HACD1: variants seen among roughly 807,000 people sequenced by gnomAD.
HACD1 encodes 3-hydroxyacyl-CoA dehydratase 1.
A neutral mutation model predicts 32.0 loss-of-function variants in HACD1; 41 were observed. The ratio of observed to expected loss-of-function variants is 1.28; its 90% CI spans 1.00 to 1.66. The LOEUF (loss-of-function observed/expected upper bound fraction) is 1.66. Ranked by LOEUF, HACD1 falls within the 40% of genes most tolerant of loss-of-function variation. HACD1 has a pLI of 0.00. For synonymous variants in HACD1, 142 were observed against 139.0 expected (o/e 1.02, Z -0.15); for missense variants, 396 against 380.1 (o/e 1.04, Z -0.35).
At chr10:17,612,857 A>G (rs4420162) in intron 1 of HACD1, among the ~76,000 whole-genome samples, 8,312 of 150,990 alleles carry the variant, frequency 0.055, 278 homozygotes, top group Middle Eastern at 0.078. Context: ...GGGAGGCGGA[A>G]CTTGCAGTGA....
At chr10:17,598,485 A>G (rs1045849392) in intron 5 of HACD1, among the ~76,000 whole-genome samples, 12 of 152,148 alleles carry the variant, frequency 7.9e-5, no homozygotes, top group African/African-American at 2.9e-4. Flanking sequence ...ACCACCTGAC[A>G]TATCACATAT....
Position 17,603,756 on chromosome 10 carries a change from T to G in HACD1, c.376-12A>C, listed in dbSNP as rs1554816762. ...AAACAGTGAACTATCTGTAAGCAAA[T>G]AGAAAAAAATCATTACGTCAATAAT... On this transcript the variant is annotated splice_polypyrimidine_tract_variant and intron_variant, in intron 2 of 6. Transcript: ENST00000361271. 1.3e-6 allele frequency: 2 copies of G among 1,590,316 alleles called. No individual in the cohort carries two copies. Among genetic ancestry groups the G allele is most frequent in the South Asian group, 2.2e-5 (2 of 89,680 alleles).
chr10:17,603,725 C>T lies in HACD1; in HGVS notation c.394+1G>A. 1 of 1,600,438 alleles carries T rather than the reference C, an allele frequency of 6.2e-7. No individual in the cohort carries two copies. On this transcript the variant is annotated splice_donor_variant, in intron 3 of 6. Transcript: ENST00000361271. LOFTEE classifies it high-confidence loss of function. ...AGTATAAAATTGAAGCAAAAACTCA[C>T]CAATTAAACAGTGAACTATCTGTAA... is the stretch of plus-strand genomic sequence containing the variant.
At chr10:17,590,658 GT>G (rs1833917211) in intron 6 of HACD1, among the ~76,000 whole-genome samples, 1 of 152,036 alleles carries the variant, frequency 6.6e-6, no homozygotes, top group African/African-American at 2.4e-5. Flanking sequence ...TTGAGGTTTT[GT>G]TTTTACTTTT....
chr10:17,608,284 T>G lies in HACD1; in HGVS notation c.258-4237A>C, dbSNP rs76004194. Among the ~76,000 whole-genome samples, 613 of 152,194 alleles carry G rather than the reference T, an allele frequency of 4.0e-3. 4 individuals are homozygous for G. Among genetic ancestry groups the G allele is most frequent in the African/African-American group, 0.014 (591 of 41,520 alleles). Reference sequence around the variant, plus strand: ...CTCAAGCCATCTGCCTGCCTCAGTCTCCCAAAGTAATGGGATTACCGGTGT... The same window carrying G: ...CTCAAGCCATCTGCCTGCCTCAGTCGCCCAAAGTAATGGGATTACCGGTGT... On this transcript the variant is annotated intron_variant, in intron 1 of 6. Coordinates refer to ENST00000361271, the MANE Select transcript of HACD1 (RefSeq NM_014241.4).
At chr10:17,604,145 T>C in intron 1 of HACD1, 98 bp from the exon 2 acceptor site, 1 of 872,978 alleles carries the variant, frequency 1.1e-6, no homozygotes, top group Non-Finnish European at 1.8e-6. Flanking sequence ...AGTGAAAAGG[T>C]AAAAGCAACC....
chr10:17,604,166 T>G, intron 1 of HACD1, 119 bp from the exon 2 acceptor site: 1 of 703,534 alleles, frequency 1.4e-6, no homozygotes, highest in Non-Finnish European at 2.4e-6. Context: ...CAGGTGTCCA[T>G]AAGTGAGTGA....
chr10:17,597,381 G>A (rs782657339), intron 5 of HACD1, among the ~76,000 whole-genome samples: 5 of 152,062 alleles, frequency 3.3e-5, no homozygotes, highest in South Asian at 2.1e-4. Context: ...CAAGTGATCC[G>A]CCCACCTTGG....
chr10:17,600,647 C>T (rs1373374681), intron 4 of HACD1, among the ~76,000 whole-genome samples: 19 of 152,056 alleles, frequency 1.2e-4, no homozygotes, highest in Non-Finnish European at 2.2e-4. Context: ...TTCTACTGTA[C>T]TTTGTTCATA....
chr10:17,605,454 A>G (rs986408921), intron 1 of HACD1, among the ~76,000 whole-genome samples: 2 of 150,636 alleles, frequency 1.3e-5, no homozygotes, highest in African/African-American at 4.9e-5. Flanking sequence ...CAACCTGGGA[A>G]GTGGAGGTTG....
chr10:17,612,314 C>T (rs1343146370), intron 1 of HACD1, among the ~76,000 whole-genome samples: 2 of 152,012 alleles, frequency 1.3e-5, no homozygotes, highest in South Asian at 4.1e-4. Flanking sequence ...TTATGAAAAA[C>T]AGATGAAAAC....
intron 6 of HACD1, among the ~76,000 whole-genome samples, chr10:17,590,995 A>C (rs1833921610): frequency 6.6e-6 from 1 of 152,132 alleles, no homozygotes; most frequent in Non-Finnish European, 1.5e-5. Context: ...TGTTTTTAAC[A>C]AACTTAAATA....
chr10:17,594,579 G>A (rs1446483264), intron 5 of HACD1, among the ~76,000 whole-genome samples, 196 bp from the exon 6 acceptor site: 1 of 151,958 alleles, frequency 6.6e-6, no homozygotes, highest in African/African-American at 2.4e-5. Context: ...CCTAATACCA[G>A]TTTCCATAAT....
At chr10:17,610,926 C>T (rs955047086) in intron 1 of HACD1, among the ~76,000 whole-genome samples, 1 of 151,778 alleles carries the variant, frequency 6.6e-6, no homozygotes, top group Admixed American at 6.6e-5. Context: ...GTTAGCAAAG[C>T]ATCTGAGGCC....
intron 4 of HACD1, among the ~76,000 whole-genome samples, chr10:17,601,923 A>C (rs1554816547): frequency 6.6e-6 from 1 of 152,036 alleles, no homozygotes; most frequent in South Asian, 2.1e-4. Context: ...AACAGAGAAG[A>C]GGTCAGGTGT....
At chr10:17,606,891 C>A (rs1457021469) in intron 1 of HACD1, among the ~76,000 whole-genome samples, 1 of 152,076 alleles carries the variant, frequency 6.6e-6, no homozygotes, top group Non-Finnish European at 1.5e-5. Context: ...CTCACAATAA[C>A]CCTATGAGGC....
intron 1 of HACD1, among the ~76,000 whole-genome samples, chr10:17,612,600 C>G (rs551087294): frequency 1.4e-4 from 22 of 152,210 alleles, no homozygotes; most frequent in Middle Eastern, 3.4e-3. Context: ...GGTAAGGCCT[C>G]CTTGAGAATG....
chr10:17,604,894 T>C lies in HACD1; in HGVS notation c.258-847A>G, dbSNP rs112439239. Among the ~76,000 whole-genome samples, 488 of 152,244 alleles carry C rather than the reference T, an allele frequency of 3.2e-3. 1 individual carries two copies. Among genetic ancestry groups the C allele is most frequent in the Middle Eastern group, 0.014 (4 of 294 alleles). On this transcript the variant is annotated intron_variant, in intron 1 of 6. Coordinates refer to ENST00000361271, the MANE Select transcript of HACD1 (RefSeq NM_014241.4). The stretch of plus-strand genomic sequence containing the variant: ...CTAATTTTTGTATTTTTTGTAGATA[T>C]GGGTTTTCGCCATGTTGCCCAGGCT...
rs912158351 is a variant in HACD1, at chr10:17,617,188, C to T, written c.152G>A (p.Gly51Asp). Residue 51 changes from glycine to aspartate, a missense_variant, in exon 1 of 7, where the codon GGC becomes GAC. Transcript: ENST00000361271. ...ASSDEDGTNG[G>D]ASEAGEDREA... ...CCGGTCCTCGCCGGCCTCCGAGGCG[C>T]CGCCGTTGGTGCCGTCCTCGTCGCT... is the stretch of plus-strand genomic sequence containing the variant. 1.3e-6 allele frequency: 2 copies of T among 1,503,276 alleles called. No individual in the cohort carries two copies. Among genetic ancestry groups the T allele is most frequent in the Non-Finnish European group, 1.8e-6 (2 of 1,130,980 alleles). 93.1% of individuals were successfully genotyped at this position (1,503,276 alleles called of 1,614,324 possible).
Sources: allele counts gnomAD v4.1 joint callset (sites outside exome capture counted in the v4.1 genomes callset), GRCh38; gene constraint gnomAD v4.1.1; transcripts MANE v1.5; gene names NCBI Gene and HGNC (gene_info 2026-07-23, HGNC 2026-07-21).